Variants in CDK14 observed in about 807,000 individuals in gnomAD.
CDK14 encodes cyclin-dependent kinase 14.
In CDK14, 34 loss-of-function variants were observed where a neutral mutation model predicts 60.7. The ratio of observed to expected loss-of-function variants is 0.56; its 90% CI spans 0.43 to 0.75. The LOEUF is 0.75. CDK14 is among the 30% of genes least tolerant of loss of function. CDK14 has a pLI of 0.00. For synonymous variants in CDK14, 197 were observed against 203.7 expected, an observed-to-expected ratio of 0.97 and a Z score of 0.28; for missense variants, 482 against 564.1, an observed-to-expected ratio of 0.85 and a Z score of 1.47.
intron 10 of CDK14, among the ~76,000 whole-genome samples, chr7:91,045,022 G>C (rs563591297): frequency 6.6e-6 from 1 of 152,310 alleles, no homozygotes; most frequent in East Asian, 1.9e-4. Context: ...GCTCAGTGGG[G>C]TTATTTCTCA....
intron 7 of CDK14, among the ~76,000 whole-genome samples, chr7:90,915,710 G>A (rs940436800): frequency 7.2e-5 from 11 of 152,200 alleles, no homozygotes; most frequent in African/African-American, 2.7e-4. Flanking sequence ...TTTGGAATCA[G>A]ACTCTCTGGG....
At chr7:91,173,782 C>A (rs1358431571) in intron 14 of CDK14, among the ~76,000 whole-genome samples, 1 of 152,204 alleles carries the variant, frequency 6.6e-6, no homozygotes, top group African/African-American at 2.4e-5. Context: ...GAGATTATAT[C>A]CCGCACCTGG....
chr7:90,899,957 A>C (rs866391648), intron 7 of CDK14, among the ~76,000 whole-genome samples: 3 of 152,174 alleles, frequency 2.0e-5, no homozygotes, highest in African/African-American at 2.4e-5. Flanking sequence ...GTTATATCTG[A>C]TATGGCTTAA....
chr7:90,927,461 AGGATGAAGACCTG>A (rs1476369548), intron 8 of CDK14, among the ~76,000 whole-genome samples: 2 of 152,334 alleles, frequency 1.3e-5, no homozygotes. Context: ...ACTCTGTGCC[AGGATGAAGACCTG>A]GGATGAAGAC....
intron 2 of CDK14, among the ~76,000 whole-genome samples, chr7:90,605,231 A>T (rs576096916): frequency 5.3e-5 from 8 of 152,170 alleles, no homozygotes; most frequent in South Asian, 2.1e-4. Context: ...GTCTGCTCAG[A>T]GAGAACCTGC....
At chr7:91,112,909 T>C (rs2116355338) in intron 13 of CDK14, among the ~76,000 whole-genome samples, 1 of 150,524 alleles carries the variant, frequency 6.6e-6, no homozygotes, top group East Asian at 2.0e-4. Flanking sequence ...GTATATATAT[T>C]TAGTGGAATC....
chr7:90,842,031 C>T (rs1790312665), intron 5 of CDK14, among the ~76,000 whole-genome samples: 1 of 151,972 alleles, frequency 6.6e-6, no homozygotes, highest in South Asian at 2.1e-4. Flanking sequence ...AAGCATATAA[C>T]AAAGCAACAG....
chr7:90,826,651 T>A (rs1401843898), intron 5 of CDK14, among the ~76,000 whole-genome samples: 4 of 152,286 alleles, frequency 2.6e-5, no homozygotes, highest in East Asian at 1.9e-4. Context: ...AATTAAAAAA[T>A]TTTTTAAATT....
At chr7:91,045,505 G>C (rs548869853) in intron 10 of CDK14, among the ~76,000 whole-genome samples, 1 of 152,210 alleles carries the variant, frequency 6.6e-6, no homozygotes, top group South Asian at 2.1e-4. Flanking sequence ...AGAATTGTTG[G>C]AACTGTTAAA....
intron 14 of CDK14, among the ~76,000 whole-genome samples, chr7:91,201,680 A>G (rs925504098): frequency 9.2e-5 from 14 of 152,144 alleles, no homozygotes; most frequent in African/African-American, 3.4e-4. Flanking sequence ...AACTGCATGC[A>G]TGTGTGTAGT....
At chr7:90,700,581 C>A (rs2116613234) in intron 2 of CDK14, among the ~76,000 whole-genome samples, 1 of 152,206 alleles carries the variant, frequency 6.6e-6, no homozygotes, top group South Asian at 2.1e-4. Flanking sequence ...TACAAAAGTT[C>A]TTTGTTGAAT....
chr7:90,696,757 A>G (rs1374211180), intron 2 of CDK14, among the ~76,000 whole-genome samples: 1 of 152,154 alleles, frequency 6.6e-6, no homozygotes, highest in Non-Finnish European at 1.5e-5. Context: ...GAGGGAGTGT[A>G]GGCAGAGATG....
intron 2 of CDK14, among the ~76,000 whole-genome samples, chr7:90,707,405 G>A (rs1419150088): frequency 6.6e-6 from 1 of 151,922 alleles, no homozygotes; most frequent in Non-Finnish European, 1.5e-5. Flanking sequence ...TCAGGGCCTT[G>A]TCTGAAACAC....
In CDK14 at chr7:91,164,130, G is replaced by A. The variant is rs532738001; in HGVS notation, c.*29-43035G>A. Among the ~76,000 whole-genome samples the A allele has an allele frequency of 2.6e-5, 4 of 152,168 alleles. No homozygotes were observed. In the South Asian group the frequency reaches 8.3e-4, roughly 32 times the overall value. On this transcript the variant is annotated intron_variant, in intron 14 of 14. Coordinates refer to ENST00000380050, the MANE Select transcript of CDK14 (RefSeq NM_001287135.2). Reference sequence around the variant, plus strand: ...ATATTACTTACATAGCAGAACGTTGGCAACACACTAAATGTCCAATAATAA... The same window carrying A: ...ATATTACTTACATAGCAGAACGTTGACAACACACTAAATGTCCAATAATAA...
chr7:90,726,925 C>A, intron 3 of CDK14, 113 bp downstream of exon 3: 2 of 1,275,292 alleles, frequency 1.6e-6, no homozygotes, highest in Non-Finnish European at 2.2e-6. Context: ...ATTATGCATT[C>A]TCTCCCAGGG....
chr7:90,663,664 G>A (rs1800909942), intron 2 of CDK14, among the ~76,000 whole-genome samples: 1 of 151,946 alleles, frequency 6.6e-6, no homozygotes, highest in African/African-American at 2.4e-5. Flanking sequence ...AGTCACCTTT[G>A]GTTTTAATAA....
At chr7:90,721,983 C>T (rs1280198526) in intron 2 of CDK14, among the ~76,000 whole-genome samples, 1 of 152,086 alleles carries the variant, frequency 6.6e-6, no homozygotes, top group African/African-American at 2.4e-5. Flanking sequence ...GGGAGTAGCG[C>T]CAGTGTATAC....
At chr7:91,041,532 A>G (rs1797090597) in intron 10 of CDK14, among the ~76,000 whole-genome samples, 1 of 152,220 alleles carries the variant, frequency 6.6e-6, no homozygotes, top group Non-Finnish European at 1.5e-5. Context: ...TTTAAACAGC[A>G]GAATATACAT....
intron 10 of CDK14, among the ~76,000 whole-genome samples, chr7:91,025,485 A>T (rs943871104): frequency 7.9e-5 from 12 of 152,354 alleles, no homozygotes; most frequent in African/African-American, 2.9e-4. Context: ...TCATGAAATG[A>T]CATTAATGTA....
Sources: allele counts gnomAD v4.1 joint callset (sites outside exome capture counted in the v4.1 genomes callset), GRCh38; gene constraint gnomAD v4.1.1; transcripts MANE v1.5; gene names NCBI Gene and HGNC (gene_info 2026-07-23, HGNC 2026-07-21).